Variants in SYNPR observed in about 807,000 individuals in gnomAD.
SYNPR encodes the protein synaptoporin.
SYNPR carries 23 observed loss-of-function variants against 32.9 expected under a neutral mutation model. That is an observed-to-expected ratio of 0.70 (90% CI 0.50 to 0.99). SYNPR has a LOEUF of 0.99. Among genes scored for constraint, SYNPR ranks in the 50% least tolerant of loss-of-function variants. SYNPR has a pLI of 0.00. For missense variants in SYNPR, 318 were observed against 349.3 expected (o/e 0.91, Z 0.71); for synonymous variants, 146 against 135.9 (o/e 1.07, Z -0.52).
intron 4 of SYNPR, among the ~76,000 whole-genome samples, chr3:63,591,416 G>A (rs1699823307): frequency 8.0e-6 from 1 of 125,672 alleles, no homozygotes; most frequent in South Asian, 3.4e-4. Context: ...CAGGGATCTA[G>A]AACTAGAAAT....
the SYNPR span, among the ~76,000 whole-genome samples, chr3:63,200,739 G>T: frequency 6.6e-6 from 1 of 152,262 alleles, no homozygotes; most frequent in South Asian, 2.1e-4. Flanking sequence ...TCCTGAATTA[G>T]AGAAAGGATA....
chr3:63,339,636 A>G (rs1305251596), intron 2 of SYNPR, among the ~76,000 whole-genome samples: 1 of 151,452 alleles, frequency 6.6e-6, no homozygotes, highest in East Asian at 1.9e-4. Flanking sequence ...AAGATAAAGA[A>G]TAGCTCCATA....
chr3:63,356,888 C>T (rs892526262), intron 2 of SYNPR, among the ~76,000 whole-genome samples: 2 of 152,184 alleles, frequency 1.3e-5, no homozygotes, highest in East Asian at 1.9e-4. Flanking sequence ...TCCAGTATTA[C>T]AATACAGAAG....
rs567705953 is a variant in SYNPR, at chr3:63,395,882, A to G, written c.85-84950A>G. On this transcript the variant is annotated intron_variant, in intron 2 of 5. Coordinates refer to ENST00000478300, the MANE Select transcript of SYNPR (RefSeq NM_001130003.2). ...TTTTACATTTTTCCTTTTTTGAGGG[A>G]TTTAAAAGTTCTAAAACATTCCATT... Among the ~76,000 whole-genome samples, 46 of 151,382 alleles carry G rather than the reference A, an allele frequency of 3.0e-4. 1 individual carries two copies. The South Asian group carries it at 9.6e-3, about 32-fold the overall frequency.
chr3:63,569,388 CA>C (rs1323275433), intron 4 of SYNPR, among the ~76,000 whole-genome samples: 1 of 152,034 alleles, frequency 6.6e-6, no homozygotes, highest in East Asian at 1.9e-4. Context: ...TTTTGAATTC[CA>C]ACTTTTGACT....
intron 2 of SYNPR, among the ~76,000 whole-genome samples, chr3:63,286,552 C>T (rs773245639): frequency 6.0e-5 from 7 of 117,260 alleles, no homozygotes; most frequent in Non-Finnish European, 9.2e-5. Context: ...CTTTGTTCTG[C>T]AGACGACCCA....
chr3:63,279,410 T>C (rs1232350136), intron 2 of SYNPR, among the ~76,000 whole-genome samples: 3 of 152,210 alleles, frequency 2.0e-5, no homozygotes, highest in Admixed American at 6.5e-5. Flanking sequence ...CTGTTTGCCA[T>C]GGCTTTCTTC....
chr3:63,204,273 A>G, the SYNPR span, among the ~76,000 whole-genome samples: 8 of 152,188 alleles, frequency 5.3e-5, no homozygotes, highest in Non-Finnish European at 7.3e-5. Flanking sequence ...TTCCCTCCGA[A>G]GACTCTAGGG....
chr3:63,330,793 A>G (rs1009628641), intron 2 of SYNPR, among the ~76,000 whole-genome samples: 10 of 152,158 alleles, frequency 6.6e-5, no homozygotes, highest in Non-Finnish European at 1.3e-4. Context: ...TGACTTGTCC[A>G]AGGTTGTATA....
At chr3:63,450,814 C>A (rs1431559339) in intron 2 of SYNPR, among the ~76,000 whole-genome samples, 1 of 152,186 alleles carries the variant, frequency 6.6e-6, no homozygotes, top group African/African-American at 2.4e-5. Flanking sequence ...GGGGCTCACA[C>A]TGTTTGTGGG....
intron 4 of SYNPR, among the ~76,000 whole-genome samples, chr3:63,563,364 G>C (rs540120814): frequency 6.6e-6 from 1 of 152,166 alleles, no homozygotes; most frequent in East Asian, 1.9e-4. Context: ...CCATCACTAA[G>C]GGAAGAAAAT....
chr3:63,451,151 AGAT>A (rs1173848156), intron 2 of SYNPR, among the ~76,000 whole-genome samples: 1 of 152,222 alleles, frequency 6.6e-6, no homozygotes, highest in Non-Finnish European at 1.5e-5. Context: ...GTTATGAAGA[AGAT>A]TGCTGTCATA....
At chr3:63,426,078 C>T (rs1699888486) in intron 2 of SYNPR, among the ~76,000 whole-genome samples, 1 of 152,166 alleles carries the variant, frequency 6.6e-6, no homozygotes, top group South Asian at 2.1e-4. Flanking sequence ...AGCCACAATG[C>T]CCCGCCAGAA....
intron 3 of SYNPR, among the ~76,000 whole-genome samples, chr3:63,493,103 G>A (rs974092185): frequency 6.6e-6 from 1 of 152,058 alleles, no homozygotes; most frequent in Non-Finnish European, 1.5e-5. Flanking sequence ...CCTCAAGCAG[G>A]TGGCTGGAAG....
intron 2 of SYNPR, among the ~76,000 whole-genome samples, chr3:63,365,446 T>C (rs113434642): frequency 3.0e-3 from 458 of 152,314 alleles, no homozygotes; most frequent in Middle Eastern, 0.014. Context: ...TGCTATGATC[T>C]GTTTTACATT....
At chr3:63,409,083 T>C (rs2107115095) in intron 2 of SYNPR, among the ~76,000 whole-genome samples, 1 of 152,254 alleles carries the variant, frequency 6.6e-6, no homozygotes, top group Non-Finnish European at 1.5e-5. Context: ...TGCAGCTTTC[T>C]TTCTTCTTGT....
chr3:63,546,316 T>C (rs1352369648), intron 3 of SYNPR, among the ~76,000 whole-genome samples: 1 of 152,142 alleles, frequency 6.6e-6, no homozygotes, highest in Non-Finnish European at 1.5e-5. Flanking sequence ...CCATCCCTTT[T>C]TAATCACCTT....
At chr3:63,565,351 A>G (rs915431212) in intron 4 of SYNPR, among the ~76,000 whole-genome samples, 8 of 152,122 alleles carry the variant, frequency 5.3e-5, no homozygotes, top group Admixed American at 1.3e-4. Context: ...TGGAGGCTGG[A>G]AAGTCCAAGA....
At chr3:63,532,788 C>T (rs960584248) in intron 3 of SYNPR, among the ~76,000 whole-genome samples, 2 of 152,218 alleles carry the variant, frequency 1.3e-5, no homozygotes, top group Non-Finnish European at 2.9e-5. Flanking sequence ...TCCTTATGTC[C>T]TCAGGTTTGT....
Sources: allele counts gnomAD v4.1 joint callset (sites outside exome capture counted in the v4.1 genomes callset), GRCh38; gene constraint gnomAD v4.1.1; transcripts MANE v1.5; gene names NCBI Gene and HGNC (gene_info 2026-07-23, HGNC 2026-07-21).